Variants in MGAT4C observed in about 807,000 individuals in gnomAD.
The protein encoded by MGAT4C is MGAT4 family member C.
MGAT4C carries 19 observed loss-of-function variants against 40.1 expected under a neutral mutation model. The observed-to-expected ratio is 0.47, with a 90% confidence interval of 0.33 to 0.70. The LOEUF is 0.70. MGAT4C is among the 30% of genes least tolerant of loss of function. MGAT4C has a pLI of 0.02. For synonymous variants in MGAT4C, 181 were observed against 187.1 expected (o/e 0.97, Z 0.27); for missense variants, 491 against 563.2 (o/e 0.87, Z 1.30).
chr12:86,065,057 G>C (rs571007628), intron 1 of MGAT4C, among the ~76,000 whole-genome samples: 1 of 152,000 alleles, frequency 6.6e-6, no homozygotes, highest in African/African-American at 2.4e-5. Flanking sequence ...TCTGAAATTG[G>C]GGCAGTAATT....
chr12:86,684,624 T>G (rs1950039372), intron 2 of MGAT4C, among the ~76,000 whole-genome samples: 1 of 152,168 alleles, frequency 6.6e-6, no homozygotes, highest in African/African-American at 2.4e-5. Context: ...TCCACAATGG[T>G]TGAACTAATT....
chr12:86,804,756 C>T (rs975790863), intron 1 of MGAT4C, among the ~76,000 whole-genome samples: 5 of 151,968 alleles, frequency 3.3e-5, no homozygotes. Context: ...CATTTCTCAA[C>T]AGTTCAGCTA....
chr12:86,246,239 G>T (rs912149093), intron 1 of MGAT4C, among the ~76,000 whole-genome samples: 6 of 133,832 alleles, frequency 4.5e-5, no homozygotes, highest in African/African-American at 1.1e-4. Context: ...AGGCTGGAGC[G>T]CAGTGGCTTG....
intron 2 of MGAT4C, among the ~76,000 whole-genome samples, chr12:86,442,596 T>C (rs1957253165): frequency 6.6e-6 from 1 of 152,154 alleles, no homozygotes; most frequent in Non-Finnish European, 1.5e-5. Context: ...ATTTATTAAA[T>C]AGGGAATCCT....
At chr12:86,023,479 C>T (rs2136874407) in intron 2 of MGAT4C, among the ~76,000 whole-genome samples, 1 of 151,084 alleles carries the variant, frequency 6.6e-6, no homozygotes, top group Non-Finnish European at 1.5e-5. Flanking sequence ...GTTTTTAAAG[C>T]CAAGTGGTGA....
At chr12:86,200,434 C>G (rs1490480543) in intron 1 of MGAT4C, among the ~76,000 whole-genome samples, 2 of 152,006 alleles carry the variant, frequency 1.3e-5, no homozygotes, top group African/African-American at 4.8e-5. Flanking sequence ...CTACCAGATA[C>G]TTTTCCAAAA....
intron 2 of MGAT4C, among the ~76,000 whole-genome samples, chr12:86,642,281 T>C (rs1282818869): frequency 1.3e-5 from 2 of 151,848 alleles, no homozygotes; most frequent in African/African-American, 2.4e-5. Flanking sequence ...GCTAATATGT[T>C]CCTGATCAGT....
At chr12:86,086,606 T>G (rs2135556940) in intron 1 of MGAT4C, among the ~76,000 whole-genome samples, 1 of 152,204 alleles carries the variant, frequency 6.6e-6, no homozygotes, top group South Asian at 2.1e-4. Context: ...ATATAAGCAA[T>G]ATATAATAAT....
chr12:86,813,917 T>TG (rs905193736), intron 1 of MGAT4C, among the ~76,000 whole-genome samples: 2 of 151,944 alleles, frequency 1.3e-5, no homozygotes, highest in Admixed American at 6.6e-5. Flanking sequence ...TTCTTTTTTT[T>TG]GGGGGGGATG....
chr12:86,531,883 A>G (rs1360722023), intron 2 of MGAT4C, among the ~76,000 whole-genome samples: 1 of 151,854 alleles, frequency 6.6e-6, no homozygotes, highest in African/African-American at 2.4e-5. Flanking sequence ...TAAACATGAA[A>G]TCCCTAGTAT....
chr12:86,323,130 G>GTT (rs931196996), intron 4 of MGAT4C, among the ~76,000 whole-genome samples: 1 of 141,380 alleles, frequency 7.1e-6, no homozygotes, highest in Non-Finnish European at 1.6e-5. Context: ...TTTCTTGGAA[G>GTT]TTTTTTTTTT....
intron 3 of MGAT4C, among the ~76,000 whole-genome samples, chr12:86,434,068 G>C (rs1330406422): frequency 6.6e-6 from 1 of 151,890 alleles, no homozygotes; most frequent in Non-Finnish European, 1.5e-5. Context: ...TTTGAAGCCT[G>C]GAAGGCTATT....
intron 2 of MGAT4C, among the ~76,000 whole-genome samples, chr12:86,036,620 A>G (rs1432141676): frequency 6.7e-6 from 1 of 149,944 alleles, no homozygotes; most frequent in African/African-American, 2.4e-5. Context: ...AGTATTTTGA[A>G]ACAGCCTTGC....
intron 1 of MGAT4C, among the ~76,000 whole-genome samples, chr12:86,220,189 T>A (rs1950827425): frequency 6.6e-6 from 1 of 152,114 alleles, no homozygotes; most frequent in Non-Finnish European, 1.5e-5. Context: ...TAACCAAGGA[T>A]GTTTCTCCTC....
At chr12:86,211,209 T>C (rs893496491) in intron 1 of MGAT4C, among the ~76,000 whole-genome samples, 3 of 147,018 alleles carry the variant, frequency 2.0e-5, no homozygotes, top group Non-Finnish European at 4.5e-5. Flanking sequence ...TATGCACATA[T>C]TGGAATATAT....
intron 2 of MGAT4C, among the ~76,000 whole-genome samples, chr12:86,596,397 G>A (rs1472986666): frequency 6.6e-6 from 1 of 152,116 alleles, no homozygotes; most frequent in Non-Finnish European, 1.5e-5. Flanking sequence ...TTAGGCCCGG[G>A]GACTATCGTT....
chr12:85,989,503 T>G lies in MGAT4C; in HGVS notation c.44A>C (p.Asp15Ala). 1 of 1,604,530 alleles carries G rather than the reference T, an allele frequency of 6.2e-7. No homozygotes were observed. Among genetic ancestry groups the G allele is most frequent in the East Asian group, 2.2e-5 (1 of 44,536 alleles). The change falls in exon 3 of 5, where the codon GAT (aspartate) becomes GCT (alanine). Residue 15 changes from aspartate (D) to alanine (A), a missense_variant. By Grantham distance (126) the Asp-to-Ala change is moderately radical. Transcript: ENST00000611864. ...HQMKHIFEIL[D>A]KMRCLRKRST... is the part of the protein sequence containing the mutation. ...ACGTTTTCTCAGGCATCTCATTTTA[T>G]CAAGTATTTCAAAAATATGTTTCAT...
At chr12:86,542,067 T>C (rs895267190) in intron 2 of MGAT4C, among the ~76,000 whole-genome samples, 3 of 152,218 alleles carry the variant, frequency 2.0e-5, no homozygotes, top group African/African-American at 7.2e-5. Flanking sequence ...GTTCTCAACC[T>C]GTGGACTCCG....
chr12:86,003,979 G>A (rs1887616695), intron 2 of MGAT4C, among the ~76,000 whole-genome samples: 1 of 152,040 alleles, frequency 6.6e-6, no homozygotes, highest in South Asian at 2.1e-4. Context: ...TTATTTAAGA[G>A]AACTGAGAGC....
Sources: gnomAD v4.1 joint callset for allele counts (sites outside exome capture counted in the v4.1 genomes callset) on GRCh38, gnomAD v4.1.1 for gene constraint, MANE v1.5 for transcripts, NCBI Gene and HGNC (gene_info 2026-07-23, HGNC 2026-07-21) for gene names.